The following LINGO2 variants were observed in gnomAD, a reference collection of about 807,000 sequenced individuals.
LINGO2 encodes the protein leucine rich repeat and Ig domain containing 2, also known as leucine-rich repeat and immunoglobulin-like domain-containing nogo receptor-interacting protein 2.
A neutral mutation model predicts 30.6 loss-of-function variants in LINGO2; 14 were observed. The ratio of observed to expected loss-of-function variants is 0.46; its 90% CI spans 0.30 to 0.72. LINGO2 has a LOEUF of 0.72. Ranked by LOEUF, LINGO2 falls within the 30% of genes least tolerant of loss-of-function variation. The pLI, the probability that LINGO2 is intolerant of heterozygous loss-of-function variation, is 0.07. For missense variants in LINGO2, 729 were observed against 751.7 expected, an observed-to-expected ratio of 0.97 and a Z score of 0.35; for synonymous variants, 317 against 288.5, an observed-to-expected ratio of 1.10 and a Z score of -1.00.
chr9:28,961,734 A>T, the LINGO2 span, among the ~76,000 whole-genome samples: 1,076 of 152,264 alleles, frequency 7.1e-3, 10 homozygotes, highest in Non-Finnish European at 0.01. Flanking sequence ...AACAAAAATC[A>T]TCCACTGAAC....
At chr9:28,079,927 C>G (rs1454600475) in intron 4 of LINGO2, among the ~76,000 whole-genome samples, 3 of 152,190 alleles carry the variant, frequency 2.0e-5, no homozygotes, top group Non-Finnish European at 2.9e-5. Context: ...ATAATATGAG[C>G]CTCAACTCCG....
At chr9:28,998,637 A>C in the LINGO2 span, among the ~76,000 whole-genome samples, 1 of 152,126 alleles carries the variant, frequency 6.6e-6, no homozygotes, top group Admixed American at 6.6e-5. Context: ...CCTAGATAGG[A>C]AAGTGTACTT....
At chr9:28,350,797 A>G (rs1346979626) in intron 3 of LINGO2, among the ~76,000 whole-genome samples, 9 of 150,968 alleles carry the variant, frequency 6.0e-5, no homozygotes, top group Admixed American at 1.3e-4. Context: ...ATAACAAACT[A>G]TCTCTCAGAC....
intron 4 of LINGO2, among the ~76,000 whole-genome samples, chr9:28,234,303 C>A (rs1188496935): frequency 6.6e-6 from 1 of 152,090 alleles, no homozygotes; most frequent in African/African-American, 2.4e-5. Context: ...ATGGCAGAAC[C>A]CCCGGGGACT....
the LINGO2 span, among the ~76,000 whole-genome samples, chr9:28,849,804 T>C: frequency 1.3e-5 from 2 of 152,042 alleles, no homozygotes; most frequent in African/African-American, 4.8e-5. Context: ...CCAGGAAATC[T>C]CCTGACCTAT....
At chr9:28,548,824 T>C (rs1039322241) in intron 1 of LINGO2, among the ~76,000 whole-genome samples, 1 of 151,658 alleles carries the variant, frequency 6.6e-6, no homozygotes, top group Non-Finnish European at 1.5e-5. Context: ...ACACATGAAG[T>C]TGTTACCACT....
At chr9:29,204,453 C>T in the LINGO2 span, among the ~76,000 whole-genome samples, 1 of 152,144 alleles carries the variant, frequency 6.6e-6, no homozygotes, top group Non-Finnish European at 1.5e-5. Context: ...TGTCCCCTTC[C>T]CACAGACAAT....
At chr9:28,865,036 A>C in the LINGO2 span, among the ~76,000 whole-genome samples, 5 of 152,282 alleles carry the variant, frequency 3.3e-5, no homozygotes, top group South Asian at 2.1e-4. Flanking sequence ...GTCTTCTCTA[A>C]GGGAATACCA....
chr9:28,967,844 G>A, the LINGO2 span, among the ~76,000 whole-genome samples: 1 of 152,304 alleles, frequency 6.6e-6, no homozygotes. Context: ...GAGCGAGAAA[G>A]AGAAAGAGAG....
At chr9:28,899,025 C>G in the LINGO2 span, among the ~76,000 whole-genome samples, 484 of 150,316 alleles carry the variant, frequency 3.2e-3, 2 homozygotes, top group African/African-American at 0.011. Flanking sequence ...GTGTTTGTCT[C>G]TCACGGAAAC....
At chr9:28,275,244 A>ATT (rs919360951) in intron 4 of LINGO2, among the ~76,000 whole-genome samples, 2 of 148,446 alleles carry the variant, frequency 1.3e-5, no homozygotes, top group South Asian at 2.2e-4. Flanking sequence ...AATTTTTTGT[A>ATT]TTTTTTTTTT....
chr9:29,043,140 T>C, the LINGO2 span, among the ~76,000 whole-genome samples: 1 of 151,830 alleles, frequency 6.6e-6, no homozygotes, highest in East Asian at 1.9e-4. Context: ...ACAGTATAAG[T>C]AGAAACAATG....
chr9:28,538,353 G>A (rs1427670677), intron 1 of LINGO2, among the ~76,000 whole-genome samples: 2 of 152,090 alleles, frequency 1.3e-5, no homozygotes, highest in African/African-American at 4.8e-5. Context: ...GATGAGACTG[G>A]TGATTGAATT....
chr9:28,444,378 C>T (rs912062899), intron 2 of LINGO2, among the ~76,000 whole-genome samples: 1 of 152,172 alleles, frequency 6.6e-6, no homozygotes, highest in Non-Finnish European at 1.5e-5. Context: ...CCATGCCATG[C>T]AACAGAAGCA....
intron 2 of LINGO2, among the ~76,000 whole-genome samples, chr9:28,455,206 AAG>A (rs1198104020): frequency 6.6e-6 from 1 of 152,012 alleles, no homozygotes; most frequent in Non-Finnish European, 1.5e-5. Flanking sequence ...TAAGGGACAA[AAG>A]ACATTAACAT....
intron 4 of LINGO2, among the ~76,000 whole-genome samples, chr9:28,032,535 A>G (rs896092739): frequency 6.6e-6 from 1 of 152,234 alleles, no homozygotes; most frequent in African/African-American, 2.4e-5. Flanking sequence ...TCCATCTCTC[A>G]GTGCCTTTGG....
At chr9:28,734,674 A>T in the LINGO2 span, among the ~76,000 whole-genome samples, 1 of 152,296 alleles carries the variant, frequency 6.6e-6, no homozygotes, top group African/African-American at 2.4e-5. Flanking sequence ...GATGAAGTAA[A>T]TTAATACTAA....
intron 3 of LINGO2, among the ~76,000 whole-genome samples, chr9:28,363,160 C>T (rs184743056): frequency 1.9e-4 from 29 of 152,294 alleles, no homozygotes; most frequent in African/African-American, 6.7e-4. Flanking sequence ...AGATTAGAAG[C>T]GTCTCTTCCA....
the LINGO2 span, among the ~76,000 whole-genome samples, chr9:28,764,343 T>C: frequency 6.6e-6 from 1 of 151,920 alleles, no homozygotes; most frequent in Non-Finnish European, 1.5e-5. Context: ...GGATGCAAAG[T>C]TGCTTGAACA....
Sources: allele counts gnomAD v4.1 joint callset (sites outside exome capture counted in the v4.1 genomes callset), GRCh38; gene constraint gnomAD v4.1.1; transcripts MANE v1.5; gene names NCBI Gene and HGNC (gene_info 2026-07-23, HGNC 2026-07-21).